Variants in TOP3B observed in about 807,000 individuals in gnomAD.
TOP3B encodes the protein DNA topoisomerase III beta, also known as DNA topoisomerase 3-beta-1.
A neutral mutation model predicts 93.9 loss-of-function variants in TOP3B; 45 were observed. The ratio of observed to expected loss-of-function variants is 0.48; its 90% CI spans 0.38 to 0.61. TOP3B has a LOEUF of 0.61. Ranked by LOEUF, TOP3B falls within the 20% of genes least tolerant of loss-of-function variation. TOP3B has a pLI of 0.00. For missense variants in TOP3B, 750 were observed against 1,156.1 expected (o/e 0.65, Z 5.09); for synonymous variants, 357 against 472.6 (o/e 0.76, Z 3.17).
At position 21,968,836 on chromosome 22, in the gene TOP3B, C is replaced by T. The variant is rs1462902984; in HGVS notation, c.582-61G>A. Reference sequence around the variant, plus strand: ...CACTCAAGACACTATTATGGCCACCCATGTGAGTCCAGCCCAAGGCCAGGG... The same window carrying T: ...CACTCAAGACACTATTATGGCCACCTATGTGAGTCCAGCCCAAGGCCAGGG... On this transcript the variant is annotated intron_variant, in intron 6 of 17. Transcript: ENST00000357179. The T allele has an allele frequency of 1.0e-4, 165 of 1,586,718 alleles. 1 individual carries two copies. The highest frequency in any genetic ancestry group is 2.2e-5 in the East Asian group (1 of 44,590).
At chr22:21,964,437 T>C in intron 9 of TOP3B, 122 bp from the exon 10 acceptor site, 1 of 1,198,214 alleles carries the variant, frequency 8.3e-7, no homozygotes, top group Non-Finnish European at 1.2e-6. Context: ...ACGGTGGCTC[T>C]GAGCAGGCAC....
chr22:21,975,455 A>G (rs1473241932), intron 2 of TOP3B, 185 bp downstream of exon 2: 4 of 579,274 alleles, frequency 6.9e-6, no homozygotes. Flanking sequence ...TGGGAACCCC[A>G]GCTTTGGCAC....
At chr22:21,965,498 T>G in intron 8 of TOP3B, 123 bp from the exon 9 acceptor site, 1 of 488,860 alleles carries the variant, frequency 2.0e-6, no homozygotes, top group Non-Finnish European at 3.7e-6. Flanking sequence ...CAATTCATTC[T>G]TCCCAACAGT....
At chr22:21,962,178 C>A in intron 13 of TOP3B, 1 of 1,429,464 alleles carries the variant, frequency 7.0e-7, no homozygotes, top group Middle Eastern at 2.6e-4. Flanking sequence ...GGTGTGTGCA[C>A]ACCCCACAGT....
At chr22:21,973,115 T>C (rs2071712060) in intron 3 of TOP3B, 2 of 291,380 alleles carry the variant, frequency 6.9e-6, no homozygotes, top group South Asian at 3.0e-5. Context: ...CCTGAGTTTC[T>C]GGAACTTTGT....
intron 1 of TOP3B, among the ~76,000 whole-genome samples, chr22:21,980,723 C>T (rs772821666): frequency 6.6e-5 from 10 of 152,224 alleles, no homozygotes; most frequent in Non-Finnish European, 1.3e-4. Flanking sequence ...CCCACCTTTC[C>T]TCCCTGTGCG....
chr22:21,963,773 G>T lies in TOP3B; in HGVS notation c.1204+150C>A. 1 of 721,890 alleles carries T rather than the reference G, an allele frequency of 1.4e-6. No homozygotes were observed. Among genetic ancestry groups the T allele is most frequent in the Non-Finnish European group, 2.3e-6 (1 of 434,876 alleles). 44.7% of individuals were successfully genotyped at this position (721,890 alleles called of 1,614,324 possible). A position where few individuals can be genotyped will look rare whatever the true frequency, so the allele number is the denominator to read the frequency against. On this transcript the variant is annotated intron_variant, in intron 11 of 17. Coordinates refer to ENST00000357179, the MANE Select transcript of TOP3B (RefSeq NM_001282112.2). This position sits in a 1 kb window ranked among gnomAD's most constrained non-coding sequence, Gnocchi z 4.8. Reference sequence around the variant, plus strand: ...CCTGTCCTGGTCCCATAGCAATGGAGCTCATCTTCCAGGTGGCCCCCCATC... The same window carrying T: ...CCTGTCCTGGTCCCATAGCAATGGATCTCATCTTCCAGGTGGCCCCCCATC...
intron 1 of TOP3B, among the ~76,000 whole-genome samples, chr22:21,978,828 C>T (rs80151306): frequency 2.8e-3 from 427 of 152,270 alleles, no homozygotes; most frequent in African/African-American, 0.01. Flanking sequence ...AAGGCTGGTG[C>T]ACTGTCCCCT....
Position 21,974,443 on chromosome 22 carries a change from T to G in TOP3B, c.116A>C (p.His39Pro). 6.2e-7 allele frequency: 1 copy of G among 1,613,984 alleles called. No homozygotes were observed. Among genetic ancestry groups the G allele is most frequent in the African/African-American group, 1.3e-5 (1 of 75,052 alleles). ...HKGLNGACSV[H>P]EYTGTFAGQP... Reference sequence around the variant, plus strand: ...GCCAGCAAAGGTCCCAGTGTACTCGTGGACTGAGCAGGCCCCGTTCAGCCC... The same window carrying G: ...GCCAGCAAAGGTCCCAGTGTACTCGGGGACTGAGCAGGCCCCGTTCAGCCC... Residue 39 changes from histidine (H) to proline (P), a missense_variant, in exon 3 of 18, where the codon CAC (histidine) becomes CCC (proline). Around this residue, in one of 4 missense-constraint regions of TOP3B, gnomAD observed 737 missense variants for 933.7 expected, o/e 0.79. Coordinates refer to ENST00000357179, the MANE Select transcript of TOP3B (RefSeq NM_001282112.2).
At chr22:21,958,462 C>T in intron 17 of TOP3B, 30 bp downstream of exon 17, 2 of 1,613,700 alleles carry the variant, frequency 1.2e-6, no homozygotes, top group Non-Finnish European at 1.7e-6. Context: ...CTGCAGCTAC[C>T]TGTGGACAGG....
chr22:21,970,777 A>C lies in TOP3B; in HGVS notation c.385-371T>G, dbSNP rs2145863354. The stretch of plus-strand genomic sequence containing the variant: ...ACCTCTTAGTCCCCAAACCCATCCC[A>C]TGTGACACGATTCCCTGCCTTCTAG... On this transcript the variant is annotated intron_variant, in intron 5 of 17. Coordinates refer to ENST00000357179, the MANE Select transcript of TOP3B (RefSeq NM_001282112.2). This position sits in a 1 kb window ranked among gnomAD's most constrained non-coding sequence, Gnocchi z 4.4. The C allele has an allele frequency of 6.8e-6, 2 of 294,062 alleles. No homozygotes were observed. The highest frequency in any genetic ancestry group is 7.0e-5 in the South Asian group (2 of 28,468). The allele number at this position is 294,062 out of a possible 1,614,324, so 18.2% of individuals were successfully genotyped here.
At chr22:21,977,923 G>A (rs947552413) in intron 1 of TOP3B, among the ~76,000 whole-genome samples, 1 of 152,108 alleles carries the variant, frequency 6.6e-6, no homozygotes, top group Non-Finnish European at 1.5e-5. Context: ...GAGCAGGGGA[G>A]GGACAGGGCA....
In TOP3B at chr22:21,967,600, C is replaced by T; in HGVS notation, c.852+3G>A. 1 of 1,613,412 alleles carries T rather than the reference C, an allele frequency of 6.2e-7. No homozygotes were observed. Among genetic ancestry groups the T allele is most frequent in the Non-Finnish European group, 8.5e-7 (1 of 1,179,324 alleles). On this transcript the variant is annotated splice_donor_region_variant and intron_variant, in intron 8 of 17. Transcript: ENST00000357179. ...GTGATAGATGTGGGTGGAGCAGGCA[C>T]ACCTGGGCTTCCTTCTCCAGCTTTG...
rs1256071212 is a variant in TOP3B, at chr22:21,970,421, T to C, written c.385-15A>G. 1.9e-6 allele frequency: 3 copies of C among 1,610,346 alleles called. No homozygotes were observed. The highest frequency in any genetic ancestry group is 2.7e-5 in the African/African-American group (2 of 74,456). On this transcript the variant is annotated splice_polypyrimidine_tract_variant and intron_variant, in intron 5 of 17. Coordinates refer to ENST00000357179, the MANE Select transcript of TOP3B (RefSeq NM_001282112.2). This position sits in a 1 kb window ranked among gnomAD's most constrained non-coding sequence, Gnocchi z 4.4. Reference sequence around the variant, plus strand: ...GCATCAAGAACCTGGGGGTGGGGAGTGGCCAGCTGTGACCCACCTCCCAGA... The same window carrying C: ...GCATCAAGAACCTGGGGGTGGGGAGCGGCCAGCTGTGACCCACCTCCCAGA...
rs1476468532 is a variant in TOP3B, at chr22:21,963,030, G to A, written c.1205-137C>T. ...GGACACACTGCAAATCCTGGGGAAG[G>A]AGGAAAGAAAATGTGCAGGAAGGCC... On this transcript the variant is annotated intron_variant, in intron 11 of 17. Coordinates refer to ENST00000357179, the MANE Select transcript of TOP3B (RefSeq NM_001282112.2). The surrounding 1 kb of genome is among the most constrained non-coding windows in gnomAD (Gnocchi z 4.8). 9.0e-6 allele frequency: 10 copies of A among 1,113,778 alleles called. No individual in the cohort carries two copies. Among genetic ancestry groups the A allele is most frequent in the South Asian group, 4.5e-5 (3 of 67,394 alleles). The allele number at this position is 1,113,778 out of a possible 1,614,324, so 69.0% of individuals were successfully genotyped here. A position where few individuals can be genotyped will look rare whatever the true frequency, so the allele number is the denominator to read the frequency against.
intron 1 of TOP3B, among the ~76,000 whole-genome samples, chr22:21,981,733 T>C (rs1601879603): frequency 6.6e-6 from 1 of 151,438 alleles, no homozygotes; most frequent in Non-Finnish European, 1.5e-5. Context: ...GGGGCGGAGG[T>C]TGCAGTGAGC....
chr22:21,959,949 CAG>C (rs2071094318), intron 14 of TOP3B: 5 of 685,900 alleles, frequency 7.3e-6, no homozygotes, highest in South Asian at 1.9e-5. Flanking sequence ...AAATGTCAGG[CAG>C]AGTGGCCAGG....
intron 7 of TOP3B, 148 bp downstream of exon 7, chr22:21,968,471 G>T: frequency 1.0e-6 from 1 of 962,544 alleles, no homozygotes; most frequent in Non-Finnish European, 1.5e-6. Flanking sequence ...GGGTCCCTCA[G>T]CCCTAGGCAC....
chr22:21,970,111 C>A lies in TOP3B; in HGVS notation c.581+99G>T. 7.2e-7 allele frequency: 1 copy of A among 1,384,940 alleles called. No homozygotes were observed. Among genetic ancestry groups the A allele is most frequent in the South Asian group, 1.3e-5 (1 of 76,040 alleles). 85.8% of individuals were successfully genotyped at this position (1,384,940 alleles called of 1,614,324 possible). ...AAATCCCCTGTTGCTCATCCTGGCT[C>A]GAGGAGGCCTAGGGGCCCCGGAGGG... On this transcript the variant is annotated intron_variant, in intron 6 of 17. Coordinates refer to ENST00000357179, the MANE Select transcript of TOP3B (RefSeq NM_001282112.2). This position sits in a 1 kb window ranked among gnomAD's most constrained non-coding sequence, Gnocchi z 4.4.
Sources: allele counts gnomAD v4.1 joint callset (sites outside exome capture counted in the v4.1 genomes callset), GRCh38; gene constraint gnomAD v4.1.1; regional missense constraint gnomAD v4.1.1; non-coding constraint Gnocchi (gnomAD v3.1); transcripts MANE v1.5; gene names NCBI Gene and HGNC (gene_info 2026-07-23, HGNC 2026-07-21).